Variants in FANCA observed in about 807,000 individuals in gnomAD.
The protein encoded by FANCA is FA complementation group A, also known as Fanconi anemia group A protein.
A neutral mutation model predicts 194.3 loss-of-function variants in FANCA; 236 were observed. The observed-to-expected ratio is 1.21, with a 90% CI of 1.09 to 1.35. The LOEUF (loss-of-function observed/expected upper bound fraction) is 1.35, where lower values mean the gene tolerates loss of function less well. Among genes scored for constraint, FANCA ranks in the 40% most tolerant of loss-of-function variants. The pLI, the probability that FANCA is intolerant of heterozygous loss-of-function variation, is 0.00. For synonymous variants in FANCA, 1,014 were observed against 715.8 expected, an observed-to-expected ratio of 1.42 and a Z score of -6.65; for missense variants, 2,628 against 1,813.9, an observed-to-expected ratio of 1.45 and a Z score of -8.15.
At position 89,792,554 on chromosome 16, in the gene FANCA, G is replaced by A. The variant is rs111271660; in HGVS notation, c.1007-7C>T. ...ATCTGAACAGCATCAGATGCTGCAG[G>A]GGGAGAAACAGACAAAAACTTCAAG... On this transcript the variant is annotated splice_region_variant and splice_polypyrimidine_tract_variant and intron_variant, in intron 11 of 42. Coordinates refer to ENST00000389301, the MANE Select transcript of FANCA (RefSeq NM_000135.4). 1 of 1,612,562 alleles carries A rather than the reference G, an allele frequency of 6.2e-7. No homozygotes were observed. Among genetic ancestry groups the A allele is most frequent in the South Asian group, 1.1e-5 (1 of 90,966 alleles).
At chr16:89,812,657 A>AG (rs780767342) in intron 3 of FANCA, among the ~76,000 whole-genome samples, 1 of 147,860 alleles carries the variant, frequency 6.8e-6, no homozygotes, top group African/African-American at 2.6e-5. Context: ...AAAAAAAAAA[A>AG]AAAAAAAAAA....
At chr16:89,804,942 C>G (rs996732073) in intron 7 of FANCA, among the ~76,000 whole-genome samples, 10 of 152,238 alleles carry the variant, frequency 6.6e-5, no homozygotes, top group East Asian at 1.9e-4. Flanking sequence ...GAGGTTGAGG[C>G]AGAGAATCAC....
At chr16:89,806,931 C>A (rs868121327) in intron 6 of FANCA, among the ~76,000 whole-genome samples, 5 of 152,252 alleles carry the variant, frequency 3.3e-5, no homozygotes, top group African/African-American at 1.2e-4. Context: ...GGCGGCCGGG[C>A]AGAGGCGCCC....
Position 89,745,031 on chromosome 16 carries a change from C to T in FANCA, c.3554G>A (p.Trp1185Ter), listed in dbSNP as rs770393751. The change falls in exon 36 of 43, where the codon TGG becomes TAG. Residue 1185 changes from tryptophan (W) to a stop codon, truncating the protein, a stop_gained. Transcript: ENST00000389301. LOFTEE classifies it high-confidence loss of function. Reference sequence around the variant, plus strand: ...CAGCGGGCTCTGGCAGTGTCTCCTCCACCGGCAGAGCAGCACAGGCTCCAG... The same window carrying T: ...CAGCGGGCTCTGGCAGTGTCTCCTCTACCGGCAGAGCAGCACAGGCTCCAG... Reference protein sequence around the residue: ...PSLEPVLLCRWRRHCQSPLPR... With the variant: ...PSLEPVLLCR 1 of 1,610,230 alleles carries T rather than the reference C, an allele frequency of 6.2e-7. No individual in the cohort carries two copies. The highest frequency in any genetic ancestry group is 1.7e-5 in the Admixed American group (1 of 60,002).
At chr16:89,751,103 A>G (rs2038573278) in intron 31 of FANCA, among the ~76,000 whole-genome samples, 2 of 152,080 alleles carry the variant, frequency 1.3e-5, no homozygotes. Flanking sequence ...ATGTTGGCCA[A>G]ACTGGTCTTG....
intron 21 of FANCA, among the ~76,000 whole-genome samples, chr16:89,774,729 C>CAAAAA (rs780078944): frequency 0.024 from 540 of 22,192 alleles, 76 homozygotes; most frequent in African/African-American, 0.079. Context: ...GACTCTGTCT[C>CAAAAA]AAAAAAAAAA....
chr16:89,814,564 C>T lies in FANCA; in HGVS notation c.239G>A (p.Cys80Tyr), dbSNP rs1043175440. Residue 80 changes from cysteine to tyrosine, a missense_variant, in exon 3 of 43, where the codon TGT becomes TAT. Transcript: ENST00000389301. ...ATTAGCATAGGCCTCAGAACTGTCA[C>T]AGTCAATCACTTTGCTGAGAGACAA... is the stretch of plus-strand genomic sequence containing the variant. Reference protein sequence around the residue: ...KKLSLSKVIDCDSSEAYANHS... With the variant: ...KKLSLSKVIDYDSSEAYANHS... 1.2e-6 allele frequency: 2 copies of T among 1,613,954 alleles called. No homozygotes were observed. The highest frequency in any genetic ancestry group is 1.7e-6 in the Non-Finnish European group (2 of 1,179,848).
chr16:89,772,297 T>C (rs1378064231), intron 22 of FANCA, among the ~76,000 whole-genome samples: 2 of 152,222 alleles, frequency 1.3e-5, no homozygotes, highest in Non-Finnish European at 2.9e-5. Context: ...ATGTCCCCCA[T>C]GTACCACATT....
At chr16:89,783,717 A>G (rs1231161582) in intron 15 of FANCA, among the ~76,000 whole-genome samples, 1 of 152,174 alleles carries the variant, frequency 6.6e-6, no homozygotes, top group Non-Finnish European at 1.5e-5. Flanking sequence ...GGCCGCCTGC[A>G]GCTCCATGCC....
chr16:89,779,514 C>G (rs2039629460), intron 18 of FANCA, among the ~76,000 whole-genome samples: 2 of 152,060 alleles, frequency 1.3e-5, no homozygotes, highest in South Asian at 4.1e-4. Context: ...GCTCCCCAAT[C>G]AGCAGTTCCT....
chr16:89,738,398 C>T lies in FANCA; in HGVS notation c.*203G>A. 2.9e-6 allele frequency: 4 copies of T among 1,384,766 alleles called. No individual in the cohort carries two copies. Among genetic ancestry groups the T allele is most frequent in the Non-Finnish European group, 2.9e-6 (3 of 1,027,474 alleles). The allele number at this position is 1,384,766 out of a possible 1,614,324, so 85.8% of individuals were successfully genotyped here. A position where few individuals can be genotyped will look rare whatever the true frequency, so the allele number is the denominator to read the frequency against. The stretch of plus-strand genomic sequence containing the variant: ...CTTGGTGTCCGGCTCAAGTAGCCTT[C>T]CTCTGCTCTGGGACCAGTGGTTTAT... On this transcript the variant is annotated 3_prime_UTR_variant, in exon 43 of 43. Transcript: ENST00000389301.
chr16:89,760,286 T>C (rs2143243853), intron 29 of FANCA, among the ~76,000 whole-genome samples: 1 of 152,322 alleles, frequency 6.6e-6, no homozygotes, highest in South Asian at 2.1e-4. Flanking sequence ...ACCTGAACCA[T>C]CAGCACGTGT....
chr16:89,742,538 G>A (rs1023110597), intron 37 of FANCA, among the ~76,000 whole-genome samples: 2 of 151,924 alleles, frequency 1.3e-5, no homozygotes, highest in African/African-American at 2.4e-5. Flanking sequence ...AGCTGGGCGT[G>A]GTGGCTCACG....
At chr16:89,761,634 T>G (rs1179800317) in intron 29 of FANCA, among the ~76,000 whole-genome samples, 1 of 152,054 alleles carries the variant, frequency 6.6e-6, no homozygotes, top group Non-Finnish European at 1.5e-5. Flanking sequence ...GGAAGCTCCT[T>G]TTTCTTTTGA....
chr16:89,803,198 T>C (rs2040517780), intron 8 of FANCA, 61 bp downstream of exon 8: 3 of 1,481,902 alleles, frequency 2.0e-6, no homozygotes, highest in Non-Finnish European at 2.8e-6. Flanking sequence ...TAAATACATT[T>C]CAACACTTGG....
chr16:89,749,085 C>G (rs910894508), intron 32 of FANCA, among the ~76,000 whole-genome samples: 7 of 152,226 alleles, frequency 4.6e-5, no homozygotes, highest in Non-Finnish European at 7.3e-5. Flanking sequence ...AAGCAATTCC[C>G]TATGACTGTA....
At position 89,811,071 on chromosome 16, in the gene FANCA, C is replaced by G; in HGVS notation, c.284G>C (p.Gly95Ala). The G allele has an allele frequency of 6.2e-7, 1 of 1,613,946 alleles. No individual in the cohort carries two copies. The highest frequency in any genetic ancestry group is 8.5e-7 in the Non-Finnish European group (1 of 1,180,032). Residue 95 changes from glycine (G) to alanine (A), a missense_variant and splice_region_variant, in exon 4 of 43, where the codon GGC becomes GCC. Physicochemically the swap from Gly to Ala is moderately conservative, Grantham distance 60. Coordinates refer to ENST00000389301, the MANE Select transcript of FANCA (RefSeq NM_000135.4). The part of the protein sequence containing the change: ...AYANHSSSFI[G>A]SALQDQASRL... ...TGAGGCTTGATCCTGCAAAGCAGAGCCTTAAACACAAAACAAAACCATAGC... is the reference window on the plus strand; with the variant it reads ...TGAGGCTTGATCCTGCAAAGCAGAGGCTTAAACACAAAACAAAACCATAGC...
chr16:89,765,622 C>T (rs1040496313), intron 27 of FANCA, among the ~76,000 whole-genome samples: 2 of 152,256 alleles, frequency 1.3e-5, no homozygotes, highest in African/African-American at 2.4e-5. Context: ...GGCGTTCCCA[C>T]CAAAAATGCA....
intron 30 of FANCA, among the ~76,000 whole-genome samples, chr16:89,755,815 G>GAC (rs1414627953): frequency 1.3e-5 from 2 of 152,056 alleles, no homozygotes; most frequent in African/African-American, 2.4e-5. Flanking sequence ...CAAGAGCACA[G>GAC]ACACAGACCA....
Sources: allele counts gnomAD v4.1 joint callset (sites outside exome capture counted in the v4.1 genomes callset), GRCh38; gene constraint gnomAD v4.1.1; transcripts MANE v1.5; gene names NCBI Gene and HGNC (gene_info 2026-07-23, HGNC 2026-07-21).